Variants in EXD3 observed in about 807,000 individuals in gnomAD.
EXD3 encodes the protein exonuclease 3'-5' domain containing 3.
A neutral mutation model predicts 98.0 loss-of-function variants in EXD3; 92 were observed. The observed-to-expected ratio is 0.94, with a 90% CI of 0.79 to 1.12. EXD3 has a LOEUF of 1.12. Ranked by LOEUF, EXD3 falls within the 50% of genes most tolerant of loss-of-function variation. The pLI is 0.00. For missense variants in EXD3, 1,222 were observed against 1,191.6 expected (o/e 1.03, Z -0.38); for synonymous variants, 569 against 526.0 (o/e 1.08, Z -1.12).
intron 1 of EXD3, among the ~76,000 whole-genome samples, chr9:137,416,866 G>A (rs1169240905): frequency 6.6e-6 from 1 of 152,242 alleles, no homozygotes; most frequent in Non-Finnish European, 1.5e-5. Context: ...TGGAGCAGAA[G>A]GGAGCAGGCC....
chr9:137,389,896 C>A (rs1836800454), intron 2 of EXD3, among the ~76,000 whole-genome samples: 4 of 151,952 alleles, frequency 2.6e-5, no homozygotes. Flanking sequence ...CCGAGGCGGG[C>A]AGATCACCTG....
intron 19 of EXD3, among the ~76,000 whole-genome samples, chr9:137,315,822 G>A (rs1831618828): frequency 6.6e-6 from 1 of 151,904 alleles, no homozygotes. Context: ...CCAGACCCGG[G>A]CCGCTCCCAC....
chr9:137,390,246 T>A (rs375014667), intron 2 of EXD3, among the ~76,000 whole-genome samples: 1 of 147,502 alleles, frequency 6.8e-6, no homozygotes, highest in African/African-American at 2.5e-5. Flanking sequence ...CTGGCTAACA[T>A]GGTGAAACCC....
At position 137,307,236 on chromosome 9, in the gene EXD3, C is replaced by T. The variant is rs1360068877; in HGVS notation, c.2345G>A (p.Gly782Asp). The T allele has an allele frequency of 6.4e-7, 1 of 1,556,322 alleles. No homozygotes were observed. Among genetic ancestry groups the T allele is most frequent in the Non-Finnish European group, 8.7e-7 (1 of 1,151,538 alleles). The stretch of plus-strand genomic sequence containing the variant: ...GCGGCAGGGGCGGTCATAGGTGCAG[C>T]CCTCAGGGGCTGCGTCTGGGGCTGG... ...PGPAPDAAPE[G>D]CTYDRPCRWL... The change falls in exon 22 of 22, where the codon GGC becomes GAC. Residue 782 changes from glycine to aspartate, a missense_variant. By Grantham distance (94) the Gly-to-Asp change is moderately conservative. Transcript: ENST00000340951.
chr9:137,334,009 A>AT (rs564734757), intron 17 of EXD3, among the ~76,000 whole-genome samples: 1,601 of 144,856 alleles, frequency 0.011, 11 homozygotes, highest in African/African-American at 0.036. Context: ...AGCCCAGCAA[A>AT]TTTTTTTTTT....
chr9:137,309,072 A>T (rs1831219843), intron 20 of EXD3, among the ~76,000 whole-genome samples: 1 of 152,076 alleles, frequency 6.6e-6, no homozygotes, highest in South Asian at 2.1e-4. Context: ...AGGGGCCAGC[A>T]GTTCTAATGG....
In EXD3 at chr9:137,376,148, G is replaced by T. The variant is rs572254389; in HGVS notation, c.121-2549C>A. The stretch of plus-strand genomic sequence containing the variant: ...TCACGAGGTCAGGAGATAGAGACCA[G>T]CCTGGCTAACACAGTGAAACCTCGT... On this transcript the variant is annotated intron_variant, in intron 3 of 21. Coordinates refer to ENST00000340951, the MANE Select transcript of EXD3 (RefSeq NM_017820.5). Among the ~76,000 whole-genome samples, 17 of 151,794 alleles carry T rather than the reference G, an allele frequency of 1.1e-4. No individual in the cohort carries two copies. In the South Asian group the frequency reaches 1.7e-3, roughly 15 times the overall value.
intron 1 of EXD3, among the ~76,000 whole-genome samples, chr9:137,408,400 T>A (rs898070799): frequency 2.0e-5 from 3 of 151,354 alleles, no homozygotes; most frequent in Non-Finnish European, 2.9e-5. Flanking sequence ...TATAAAAATT[T>A]GCCGGGCGTG....
chr9:137,415,290 G>A (rs926833040), intron 1 of EXD3, among the ~76,000 whole-genome samples: 3 of 151,310 alleles, frequency 2.0e-5, no homozygotes, highest in African/African-American at 4.9e-5. Flanking sequence ...TGCAACCTCC[G>A]CCTCCCGGGT....
chr9:137,323,989 C>A, intron 18 of EXD3, 101 bp downstream of exon 18: 1 of 1,526,164 alleles, frequency 6.6e-7, no homozygotes, highest in Non-Finnish European at 8.9e-7. Flanking sequence ...CGCTGGGGGT[C>A]GGCCCCACGG....
intron 19 of EXD3, among the ~76,000 whole-genome samples, chr9:137,319,263 G>A (rs1018985923): frequency 1.1e-4 from 16 of 152,250 alleles, no homozygotes; most frequent in Admixed American, 3.3e-4. Context: ...AGCCAGCCGA[G>A]CCCTGCACTG....
chr9:137,390,535 A>T (rs1027341484), intron 2 of EXD3, among the ~76,000 whole-genome samples: 1 of 152,242 alleles, frequency 6.6e-6, no homozygotes, highest in Non-Finnish European at 1.5e-5. Context: ...CTCCTTCAAT[A>T]TTCACACAGA....
intron 3 of EXD3, among the ~76,000 whole-genome samples, chr9:137,375,610 T>TCTAGTGAGTCCTAGCC (rs1345593058): frequency 1.3e-5 from 2 of 150,670 alleles, no homozygotes; most frequent in Non-Finnish European, 2.9e-5. Flanking sequence ...GTGAGTTATA[T>TCTAGTGAGTCCTAGCC]CTAGTGAGTC....
chr9:137,333,027 C>T (rs577600160), intron 17 of EXD3, among the ~76,000 whole-genome samples: 1 of 152,256 alleles, frequency 6.6e-6, no homozygotes, highest in African/African-American at 2.4e-5. Flanking sequence ...CAGACCCACC[C>T]TCAGTGGGCA....
intron 17 of EXD3, among the ~76,000 whole-genome samples, chr9:137,328,465 C>CCA (rs1832617957): frequency 1.3e-4 from 1 of 7,470 alleles, no homozygotes; most frequent in African/African-American, 3.4e-4. Context: ...TAATATACAC[C>CCA]TATATGATGA....
intron 17 of EXD3, among the ~76,000 whole-genome samples, chr9:137,346,828 T>C (rs943525382): frequency 6.6e-6 from 1 of 152,188 alleles, no homozygotes; most frequent in Non-Finnish European, 1.5e-5. Context: ...TTTTCTATTG[T>C]TTTGAGACGG....
At position 137,383,554 on chromosome 9, in the gene EXD3, C is replaced by T. The variant is rs547075155; in HGVS notation, c.56-177G>A. On this transcript the variant is annotated intron_variant, in intron 2 of 21. Transcript: ENST00000340951. ...CACACAACACACCTGCCAGCTGCGG[C>T]AGCACCCACCCTGTTCCTTCCCTGT... 8.3e-4 allele frequency among the ~76,000 whole-genome samples: 127 copies of T among 152,322 alleles called. 1 individual carries two copies. Among genetic ancestry groups the T allele is most frequent in the African/African-American group, 3.0e-3 (123 of 41,574 alleles).
At chr9:137,418,005 G>T (rs1013622109) in intron 1 of EXD3, among the ~76,000 whole-genome samples, 1 of 152,166 alleles carries the variant, frequency 6.6e-6, no homozygotes, top group African/African-American at 2.4e-5. Context: ...GAGGACCCCC[G>T]GGGCTGGCAG....
chr9:137,336,322 C>T (rs1383099730), intron 17 of EXD3, among the ~76,000 whole-genome samples: 1 of 152,168 alleles, frequency 6.6e-6, no homozygotes, highest in Non-Finnish European at 1.5e-5. Context: ...TGTAAGATCC[C>T]TGACTTAACT....
Sources: gnomAD v4.1 joint callset for allele counts (sites outside exome capture counted in the v4.1 genomes callset) on GRCh38, gnomAD v4.1.1 for gene constraint, MANE v1.5 for transcripts, NCBI Gene and HGNC (gene_info 2026-07-23, HGNC 2026-07-21) for gene names.